The following RASSF8 variants were observed in gnomAD, a reference collection of about 807,000 sequenced individuals.
RASSF8 encodes Ras association domain family member 8, also known as ras association domain-containing protein 8.
In RASSF8, 22 loss-of-function variants were observed where a neutral mutation model predicts 48.5. The ratio of observed to expected loss-of-function variants is 0.45; its 90% CI spans 0.32 to 0.65. The LOEUF (loss-of-function observed/expected upper bound fraction) is 0.65. Among genes scored for constraint, RASSF8 ranks in the 30% least tolerant of loss-of-function variants. RASSF8 has a pLI of 0.03. For synonymous variants in RASSF8, 127 were observed against 171.5 expected, an observed-to-expected ratio of 0.74 and a Z score of 2.03; for missense variants, 418 against 489.2, an observed-to-expected ratio of 0.85 and a Z score of 1.37.
intron 3 of RASSF8, 59 bp from the exon 4 acceptor site, chr12:26,064,439 C>A (rs1943816815): frequency 1.4e-6 from 2 of 1,421,398 alleles, no homozygotes; most frequent in Admixed American, 2.4e-5. Flanking sequence ...CATTCTTACT[C>A]CATTTTTTAA....
chr12:26,016,132 A>T (rs1366255266), intron 2 of RASSF8, among the ~76,000 whole-genome samples: 1 of 152,084 alleles, frequency 6.6e-6, no homozygotes, highest in East Asian at 1.9e-4. Flanking sequence ...TTCCCTTGAA[A>T]TGCATGGAAA....
At position 25,962,963 on chromosome 12, in the gene RASSF8, C is replaced by T. The variant is rs1941271416; in HGVS notation, c.-203+3815C>T. Among the ~76,000 whole-genome samples the T allele has an allele frequency of 2.0e-5, 3 of 151,878 alleles. No homozygotes were observed. The South Asian group carries it at 6.2e-4, about 31-fold the overall frequency. ...CTTTCTGTTGTACATAATCCTTTTT[C>T]TAAATACATCATTAAAATAATTATT... On this transcript the variant is annotated intron_variant, in intron 1 of 5. Transcript: ENST00000689635.
chr12:26,077,240 C>A (rs1431403451), downstream of RASSF8, among the ~76,000 whole-genome samples: 2 of 152,126 alleles, frequency 1.3e-5, no homozygotes, highest in African/African-American at 2.4e-5. Context: ...TAGTTTCTTT[C>A]GCTGTGCAGA....
chr12:26,053,207 A>G (rs552865841), intron 2 of RASSF8, among the ~76,000 whole-genome samples: 1 of 151,920 alleles, frequency 6.6e-6, no homozygotes, highest in Admixed American at 6.6e-5. Flanking sequence ...AAAGTCCTAT[A>G]GAATCATTTG....
chr12:26,068,255 TATC>T (rs1943923590), intron 5 of RASSF8, among the ~76,000 whole-genome samples: 1 of 152,200 alleles, frequency 6.6e-6, no homozygotes, highest in Non-Finnish European at 1.5e-5. Context: ...CCAAATGTCA[TATC>T]ATTAGTTTGA....
In RASSF8 at chr12:26,071,816, A is replaced by T. The variant is rs1026632981; in HGVS notation, c.*2998A>T. 1.3e-6 allele frequency: 1 copy of T among 755,304 alleles called. No homozygotes were observed. Among genetic ancestry groups the T allele is most frequent in the African/African-American group, 5.8e-5 (1 of 17,294 alleles). 46.8% of individuals were successfully genotyped at this position (755,304 alleles called of 1,614,324 possible). A position where few individuals can be genotyped will look rare whatever the true frequency, so the allele number is the denominator to read the frequency against. On this transcript the variant is annotated 3_prime_UTR_variant, in exon 6 of 6. Coordinates refer to ENST00000689635, the MANE Select transcript of RASSF8 (RefSeq NM_001394098.1). ...GAGTAAAAACTATATAAATACAGTA[A>T]AAAAAAAATAGAATTTATGGTGTGA... is the stretch of plus-strand genomic sequence containing the variant.
At chr12:25,988,836 C>G (rs1266137784) in intron 1 of RASSF8, among the ~76,000 whole-genome samples, 1 of 152,174 alleles carries the variant, frequency 6.6e-6, no homozygotes, top group African/African-American at 2.4e-5. Flanking sequence ...AGTAACAAAA[C>G]AGTGTGGAAA....
intron 3 of RASSF8, among the ~76,000 whole-genome samples, chr12:26,059,276 G>A (rs1943687187): frequency 6.6e-6 from 1 of 152,180 alleles, no homozygotes; most frequent in African/African-American, 2.4e-5. Flanking sequence ...AGGAGATTGA[G>A]GAAAAGGATT....
chr12:26,064,563 G>A lies in RASSF8; in HGVS notation c.169G>A (p.Glu57Lys). The change falls in exon 4 of 6, where the codon GAA becomes AAA. Residue 57 changes from glutamate to lysine, a missense_variant. Transcript: ENST00000689635. The stretch of plus-strand genomic sequence containing the variant: ...TACTGAAAGACACTTAGCACCTCAT[G>A]AAAATCCTATCATATCCTTAAACAA... ...RDTERHLAPHENPIISLNKWG... is the reference protein window; with the variant it reads ...RDTERHLAPHKNPIISLNKWG... 1 of 1,613,272 alleles carries A rather than the reference G, an allele frequency of 6.2e-7. No individual in the cohort carries two copies.
intron 1 of RASSF8, among the ~76,000 whole-genome samples, chr12:25,976,830 C>G (rs11048363): frequency 0.36 from 54,701 of 152,062 alleles, 11,213 homozygotes; most frequent in Non-Finnish European, 0.46. Context: ...TCTCTTCCCC[C>G]TGCTGCGTTA....
intron 1 of RASSF8, among the ~76,000 whole-genome samples, chr12:25,986,926 T>TGTTTGTTTGTTTG (rs57041013): frequency 2.0e-5 from 3 of 146,610 alleles, no homozygotes; most frequent in East Asian, 2.0e-4. Flanking sequence ...CGTTTTTTTT[T>TGTTTGTTTGTTTG]TTTGTTTGTT....
intron 2 of RASSF8, among the ~76,000 whole-genome samples, chr12:26,024,017 T>C (rs1387034539): frequency 1.3e-5 from 2 of 152,200 alleles, no homozygotes; most frequent in African/African-American, 4.8e-5. Flanking sequence ...TATTTGATAG[T>C]CAAATAATTC....
Position 26,070,834 on chromosome 12 carries a change from A to G in RASSF8, c.*2016A>G, listed in dbSNP as rs1013552950. Reference sequence around the variant, plus strand: ...GGCAGTATTAAACTTTGCAATTAGGAGTTTCAGAGATGCCTTGGCATACCA... The same window carrying G: ...GGCAGTATTAAACTTTGCAATTAGGGGTTTCAGAGATGCCTTGGCATACCA... On this transcript the variant is annotated 3_prime_UTR_variant, in exon 6 of 6. Coordinates refer to ENST00000689635, the MANE Select transcript of RASSF8 (RefSeq NM_001394098.1). 67 of 982,916 alleles carry G rather than the reference A, an allele frequency of 6.8e-5. No homozygotes were observed. The highest frequency in any genetic ancestry group is 8.0e-5 in the Non-Finnish European group (66 of 827,816). 60.9% of individuals were successfully genotyped at this position (982,916 alleles called of 1,614,324 possible). A position where few individuals can be genotyped will look rare whatever the true frequency, so the allele number is the denominator to read the frequency against.
downstream of RASSF8, among the ~76,000 whole-genome samples, chr12:26,073,745 C>CTCTCTCTCTA (rs1220008372): frequency 2.1e-5 from 1 of 48,644 alleles, no homozygotes; most frequent in African/African-American, 7.5e-5. Flanking sequence ...CTCTCTCTCT[C>CTCTCTCTCTA]TATACACACA....
At chr12:26,023,170 A>G (rs1173861432) in intron 2 of RASSF8, among the ~76,000 whole-genome samples, 2 of 152,206 alleles carry the variant, frequency 1.3e-5, no homozygotes, top group Non-Finnish European at 2.9e-5. Context: ...AAAAATATGG[A>G]CATCATTAAG....
At chr12:25,973,205 T>G (rs1286229367) in intron 1 of RASSF8, among the ~76,000 whole-genome samples, 3 of 61,978 alleles carry the variant, frequency 4.8e-5, no homozygotes, top group African/African-American at 9.3e-5. Flanking sequence ...AAGATCGCTA[T>G]TTTTTTTTTT....
chr12:26,006,524 C>T (rs1177152690), intron 2 of RASSF8, among the ~76,000 whole-genome samples: 1 of 152,206 alleles, frequency 6.6e-6, no homozygotes, highest in African/African-American at 2.4e-5. Flanking sequence ...TTCCCAAATG[C>T]TTGTCTCGCT....
intron 2 of RASSF8, among the ~76,000 whole-genome samples, chr12:26,032,633 G>A (rs540987614): frequency 6.6e-6 from 1 of 152,186 alleles, no homozygotes; most frequent in South Asian, 2.1e-4. Flanking sequence ...TATAGCTTAA[G>A]GGAGTTTTAA....
rs763634955 is a variant in RASSF8, at chr12:26,067,538, C to T, written c.994-31C>T. The T allele has an allele frequency of 1.8e-5, 29 of 1,568,046 alleles. 1 individual carries two copies. The South Asian group carries it at 2.0e-4, about 11-fold the overall frequency. On this transcript the variant is annotated intron_variant, in intron 4 of 5. Coordinates refer to ENST00000689635, the MANE Select transcript of RASSF8 (RefSeq NM_001394098.1). ...CTTGCACTGTCCAGTAGTGAATCCTCAAATTTAAAAAAATAATAATTTCCA... is the reference window on the plus strand; with the variant it reads ...CTTGCACTGTCCAGTAGTGAATCCTTAAATTTAAAAAAATAATAATTTCCA...
Sources: gnomAD v4.1 joint callset for allele counts (sites outside exome capture counted in the v4.1 genomes callset) on GRCh38, gnomAD v4.1.1 for gene constraint, MANE v1.5 for transcripts, NCBI Gene and HGNC (gene_info 2026-07-23, HGNC 2026-07-21) for gene names.